ZNF34: variants seen among roughly 807,000 people sequenced by gnomAD.
ZNF34 encodes zinc finger protein 34.
Under a neutral mutation model 14.4 loss-of-function variants are expected in ZNF34, and 8 were observed. The ratio of observed to expected loss-of-function variants is 0.55; its 90% confidence interval spans 0.33 to 1.00. The LOEUF is 1.00. ZNF34 is among the 50% of genes least tolerant of loss of function. The probability of loss-of-function intolerance (pLI) is 0.03; values close to 1 mark genes in which losing one functional copy is unlikely to be tolerated. For missense variants in ZNF34, 538 were observed against 674.2 expected (o/e 0.80, Z 2.24); for synonymous variants, 235 against 247.9 (o/e 0.95, Z 0.49).
At chr8:144,783,526 C>G (rs971164557) in intron 1 of ZNF34, among the ~76,000 whole-genome samples, 1 of 152,134 alleles carries the variant, frequency 6.6e-6, no homozygotes, top group Non-Finnish European at 1.5e-5. Flanking sequence ...ACAGCATTGC[C>G]ATATACAAGG....
intron 5 of ZNF34, among the ~76,000 whole-genome samples, chr8:144,776,691 C>G (rs1825539103): frequency 6.6e-6 from 1 of 152,096 alleles, no homozygotes; most frequent in African/African-American, 2.4e-5. Flanking sequence ...GAGAGGATCG[C>G]TTGAGCCTAG....
At chr8:144,785,890 G>C (rs1826197797) in intron 1 of ZNF34, among the ~76,000 whole-genome samples, 1 of 152,086 alleles carries the variant, frequency 6.6e-6, no homozygotes, top group Admixed American at 6.6e-5. Flanking sequence ...AGTCAGAGTG[G>C]TGGAAAGTAA....
In ZNF34 at chr8:144,773,871, C is replaced by A. The variant is rs1304219292; in HGVS notation, c.1015G>T (p.Glu339Ter). ...LIYHQRIHTG[E>*]KPYKCNDCGK... ...CAGTCATTACATTTATAGGGTTTCTCTCCGGTGTGGATTCTCTGGTGATAA... is the reference window on the plus strand; with the variant it reads ...CAGTCATTACATTTATAGGGTTTCTATCCGGTGTGGATTCTCTGGTGATAA... Residue 339 changes from glutamate to a stop codon, truncating the protein, a stop_gained, in exon 6 of 6, where the codon GAG becomes TAG. Coordinates refer to ENST00000429371, the MANE Select transcript of ZNF34 (RefSeq NM_001286769.2). LOFTEE classifies it low-confidence loss of function (END_TRUNC). The surrounding 1 kb of genome is among the most constrained non-coding windows in gnomAD (Gnocchi z 5.4). The A allele has an allele frequency of 6.2e-7, 1 of 1,614,194 alleles. No homozygotes were observed. The highest frequency in any genetic ancestry group is 2.2e-5 in the East Asian group (1 of 44,884).
In ZNF34 at chr8:144,780,925, A is replaced by G. The variant is rs539511969; in HGVS notation, c.-107-645T>C. Among the ~76,000 whole-genome samples, 6 of 151,616 alleles carry G rather than the reference A, an allele frequency of 4.0e-5. No individual in the cohort carries two copies. In the East Asian group the frequency reaches 1.2e-3, roughly 30 times the overall value. ...GCTGAGGCGGGTGGATGGCGAGGTC[A>G]GGAGATCGAGACCATCCTGGCTGAC... On this transcript the variant is annotated intron_variant, in intron 1 of 5. Transcript: ENST00000429371.
Position 144,773,838 on chromosome 8 carries a change from C to A in ZNF34, c.1048G>T (p.Ala350Ser). 6.2e-7 allele frequency: 1 copy of A among 1,614,166 alleles called. No homozygotes were observed. Residue 350 changes from alanine to serine, a missense_variant, in exon 6 of 6, where the codon GCC becomes TCC. Ala to Ser is a moderately conservative substitution (Grantham distance 99, BLOSUM62 1). Transcript: ENST00000429371. This position sits in a 1 kb window ranked among gnomAD's most constrained non-coding sequence, Gnocchi z 5.4. ...ATAAGGATTGAGCCATCACTGAAGG[C>A]TTTCCCGCAGTCATTACATTTATAG... ...KPYKCNDCGK[A>S]FSDGSILIRH...
Position 144,774,051 on chromosome 8 carries a change from T to C in ZNF34, c.835A>G (p.Met279Val), listed in dbSNP as rs1221004319. 2 of 1,614,080 alleles carry C rather than the reference T, an allele frequency of 1.2e-6. No individual in the cohort carries two copies. The highest frequency in any genetic ancestry group is 1.3e-5 in the African/African-American group (1 of 75,012). The change falls in exon 6 of 6, where the codon ATG becomes GTG. Residue 279 changes from methionine to valine, a missense_variant. Met to Val is a conservative substitution (Grantham distance 21, BLOSUM62 1). Around this residue, in one of 3 missense-constraint regions of ZNF34, gnomAD observed 431 missense variants for 525.7 expected, o/e 0.82. Coordinates refer to ENST00000429371, the MANE Select transcript of ZNF34 (RefSeq NM_001286769.2). The stretch of plus-strand genomic sequence containing the variant: ...CGGTAGGGAATCTCTCCTGAGTGCA[T>C]CCTTCGGTGATTGATGAACTCGCAG... ...QSCEFINHRRMHSGEIPYRCD... is the reference protein window; with the variant it reads ...QSCEFINHRRVHSGEIPYRCD...
Position 144,778,501 on chromosome 8 carries a change from T to G in ZNF34, c.-30A>C. 1 of 1,587,380 alleles carries G rather than the reference T, an allele frequency of 6.3e-7. No individual in the cohort carries two copies. Among genetic ancestry groups the G allele is most frequent in the East Asian group, 2.3e-5 (1 of 43,914 alleles). ...TGAGGGTTGGGCTTTCTGAGGGCAG[T>G]GAGCAGGAGCTGGTCACTGAGGAGC... is the stretch of plus-strand genomic sequence containing the variant. On this transcript the variant is annotated 5_prime_UTR_variant, in exon 3 of 6. Transcript: ENST00000429371.
In ZNF34 at chr8:144,777,913, G is replaced by A; in HGVS notation, c.160+125C>T. The A allele has an allele frequency of 7.1e-7, 1 of 1,402,604 alleles. No homozygotes were observed. The highest frequency in any genetic ancestry group is 9.7e-7 in the Non-Finnish European group (1 of 1,025,982). 86.9% of individuals were successfully genotyped at this position (1,402,604 alleles called of 1,614,324 possible). ...CTCTTCCCCTCATCTTCTCAGATCAGGTGCCTGCCTGGGATAAAGGTCATC... is the reference window on the plus strand; with the variant it reads ...CTCTTCCCCTCATCTTCTCAGATCAAGTGCCTGCCTGGGATAAAGGTCATC... On this transcript the variant is annotated intron_variant, in intron 4 of 5. Transcript: ENST00000429371. The surrounding 1 kb of genome is among the most constrained non-coding windows in gnomAD (Gnocchi z 4.8).
At chr8:144,780,373 G>C (rs1224432998) in intron 1 of ZNF34, 93 bp from the exon 2 acceptor site, 1 of 964,000 alleles carries the variant, frequency 1.0e-6, no homozygotes, top group Admixed American at 2.4e-5. Flanking sequence ...TATCTTTTCT[G>C]TATCTTTAAA....
rs749682019 is a variant in ZNF34, at chr8:144,777,463, C to A, written c.275G>T (p.Ser92Ile). The A allele has an allele frequency of 3.2e-6, 5 of 1,551,602 alleles. No individual in the cohort carries two copies. In the South Asian group the frequency reaches 5.9e-5, roughly 18 times the overall value. ...TSGKEHLRVN[S>I]PALGTRTEYK... Reference sequence around the variant, plus strand: ...GAGCAGATCCCCTCACGCACCTGGGCTGTTGACTCTCAGGTGCTCTTTCCC... The same window carrying A: ...GAGCAGATCCCCTCACGCACCTGGGATGTTGACTCTCAGGTGCTCTTTCCC... Residue 92 changes from serine (S) to isoleucine (I), a missense_variant, in exon 5 of 6, where the codon AGC (serine) becomes ATC (isoleucine). Transcript: ENST00000429371. The surrounding 1 kb of genome is among the most constrained non-coding windows in gnomAD (Gnocchi z 4.8).
chr8:144,772,884 T>C lies in ZNF34; in HGVS notation c.*382A>G, dbSNP rs2130179997. Among the ~76,000 whole-genome samples, 2 of 152,340 alleles carry C rather than the reference T, an allele frequency of 1.3e-5. No homozygotes were observed. The highest frequency in any genetic ancestry group is 3.4e-3 in the Middle Eastern group (1 of 294). On this transcript the variant is annotated 3_prime_UTR_variant, in exon 6 of 6. Coordinates refer to ENST00000429371, the MANE Select transcript of ZNF34 (RefSeq NM_001286769.2). Reference sequence around the variant, plus strand: ...TATGTAAAAATGTTAAAATATATGGTGCTCTCTTCAGTGTGAATTTTCTGA... The same window carrying C: ...TATGTAAAAATGTTAAAATATATGGCGCTCTCTTCAGTGTGAATTTTCTGA...
Position 144,773,495 on chromosome 8 carries a change from T to C in ZNF34, c.1391A>G (p.His464Arg). 6.2e-7 allele frequency: 1 copy of C among 1,611,232 alleles called. No homozygotes were observed. Among genetic ancestry groups the C allele is most frequent in the East Asian group, 2.2e-5 (1 of 44,762 alleles). ...YKCSECGKAFHNSSRLIHHQR... is the reference protein window; with the variant it reads ...YKCSECGKAFRNSSRLIHHQR... ...GTGGTGGATGAGTCTGGAACTGTTG[T>C]GGAAGGCCTTCCCACACTCGCTGCA... Residue 464 changes from histidine (H) to arginine (R), a missense_variant, in exon 6 of 6, where the codon CAC (histidine) becomes CGC (arginine). By Grantham distance (29) the His-to-Arg change is conservative. This residue lies in a region of ZNF34 where 101 missense variants were observed against 123.1 expected (regional missense o/e 0.82). Coordinates refer to ENST00000429371, the MANE Select transcript of ZNF34 (RefSeq NM_001286769.2). The surrounding 1 kb of genome is among the most constrained non-coding windows in gnomAD (Gnocchi z 5.4).
intron 3 of ZNF34, 63 bp from the exon 4 acceptor site, chr8:144,778,227 G>C: frequency 6.4e-7 from 1 of 1,560,758 alleles, no homozygotes; most frequent in East Asian, 2.2e-5. Context: ...GGGGCGGGGA[G>C]GCAGCAGAAG....
intron 1 of ZNF34, chr8:144,785,439 CAGG>C (rs1826168965): frequency 6.6e-6 from 1 of 152,080 alleles, no homozygotes; most frequent in Admixed American, 6.6e-5. Flanking sequence ...ATCCGGGGAG[CAGG>C]AGACCACCAT....
At chr8:144,785,776 G>T (rs1826189764) in intron 1 of ZNF34, among the ~76,000 whole-genome samples, 1 of 152,020 alleles carries the variant, frequency 6.6e-6, no homozygotes, top group South Asian at 2.1e-4. Context: ...CCCACTCGAA[G>T]TATGTACTTT....
chr8:144,784,162 GAA>G (rs59291940), intron 1 of ZNF34, among the ~76,000 whole-genome samples: 2 of 93,230 alleles, frequency 2.1e-5, no homozygotes, highest in Non-Finnish European at 2.4e-5. Flanking sequence ...TACGTCTCCA[GAA>G]AAAAAAAAAA....
chr8:144,783,399 A>G (rs1826022565), intron 1 of ZNF34, among the ~76,000 whole-genome samples: 1 of 152,238 alleles, frequency 6.6e-6, no homozygotes. Flanking sequence ...AAAAAGAAAT[A>G]TAAGCTACAA....
rs753081617 is a variant in ZNF34 at position 144,774,436 on chromosome 8, G to A, written c.450C>T (p.Asn150=). ...CCCCAGACTCCCTGCTGCTCTCCCC[G>A]TTGGTCAGTGTGACTGCCCTGGGGC... The part of the protein sequence containing the change: ...QRGPRAVTLT[N]GESSRESGGN... Residue 150 remains asparagine (N), a synonymous_variant, in exon 6 of 6, where the codon AAC becomes AAT. Transcript: ENST00000429371. The A allele has an allele frequency of 2.2e-5, 35 of 1,613,804 alleles. No homozygotes were observed. Among genetic ancestry groups the A allele is most frequent in the East Asian group, 4.5e-5 (2 of 44,878 alleles).
At chr8:144,784,040 G>A (rs1156445863) in intron 1 of ZNF34, among the ~76,000 whole-genome samples, 1 of 151,928 alleles carries the variant, frequency 6.6e-6, no homozygotes, top group Non-Finnish European at 1.5e-5. Context: ...GGCGCCTGTA[G>A]TCCCAGCTAC....
Sources: allele counts gnomAD v4.1 joint callset (sites outside exome capture counted in the v4.1 genomes callset), GRCh38; gene constraint gnomAD v4.1.1; regional missense constraint gnomAD v4.1.1; non-coding constraint Gnocchi (gnomAD v3.1); transcripts MANE v1.5; gene names NCBI Gene and HGNC (gene_info 2026-07-23, HGNC 2026-07-21).